The following ARID1B variants were observed in gnomAD, a reference collection of about 807,000 sequenced individuals.
ARID1B encodes the protein AT-rich interactive domain-containing protein 1B.
ARID1B carries 30 observed loss-of-function variants against 212.3 expected under a neutral mutation model. That is an observed-to-expected ratio of 0.14 (90% CI 0.11 to 0.19). The LOEUF is 0.19. Ranked by LOEUF, ARID1B falls within the 10% of genes least tolerant of loss-of-function variation. The probability of loss-of-function intolerance (pLI) is 1.00; values close to 1 mark genes in which losing one functional copy is unlikely to be tolerated. For synonymous variants in ARID1B, 1,402 were observed against 1,301.7 expected, an observed-to-expected ratio of 1.08 and a Z score of -1.66; for missense variants, 2,891 against 3,204.0, an observed-to-expected ratio of 0.90 and a Z score of 2.36.
At chr6:156,922,886 A>T (rs747944779) in intron 3 of ARID1B, among the ~76,000 whole-genome samples, 18 of 152,166 alleles carry the variant, frequency 1.2e-4, no homozygotes, top group Admixed American at 3.3e-4. Context: ...GGGTAGGAAG[A>T]ACTGATGTTG....
At chr6:157,028,984 G>A (rs1780848952) in intron 4 of ARID1B, among the ~76,000 whole-genome samples, 1 of 152,178 alleles carries the variant, frequency 6.6e-6, no homozygotes, top group Non-Finnish European at 1.5e-5. Flanking sequence ...TCTAACTGGA[G>A]TTATTTATTG....
chr6:157,123,579 C>G (rs1265032526), intron 6 of ARID1B, among the ~76,000 whole-genome samples: 2 of 152,230 alleles, frequency 1.3e-5, no homozygotes, highest in Non-Finnish European at 2.9e-5. Context: ...AGGAGGCTCA[C>G]AGGTGTGGCA....
intron 2 of ARID1B, among the ~76,000 whole-genome samples, chr6:156,836,924 A>G (rs144662091): frequency 2.0e-5 from 3 of 152,322 alleles, no homozygotes; most frequent in African/African-American, 4.8e-5. Context: ...CTTGGCCTCC[A>G]AAGTGCTAGG....
chr6:156,823,158 G>T (rs1782482298), intron 1 of ARID1B, among the ~76,000 whole-genome samples: 1 of 152,116 alleles, frequency 6.6e-6, no homozygotes, highest in African/African-American at 2.4e-5. Flanking sequence ...GTAGTCCGCT[G>T]TGTTGGTGTG....
chr6:157,175,163 A>G (rs1792014498), intron 11 of ARID1B, 158 bp downstream of exon 11: 2 of 605,924 alleles, frequency 3.3e-6, no homozygotes, highest in Admixed American at 4.6e-5. Flanking sequence ...ATAAATAATA[A>G]TATTAGTGAC....
Position 157,203,210 on chromosome 6 carries a change from C to T in ARID1B, c.5264-656C>T, listed in dbSNP as rs1468966173. Reference sequence around the variant, plus strand: ...AAATCTTCCAAACTTTCTACCTGATCATTTTGTTTCCTTCAGTAGCAGGAA... The same window carrying T: ...AAATCTTCCAAACTTTCTACCTGATTATTTTGTTTCCTTCAGTAGCAGGAA... On this transcript the variant is annotated intron_variant, in intron 18 of 19. Transcript: ENST00000636930. The surrounding 1 kb of genome is among the most constrained non-coding windows in gnomAD (Gnocchi z 4.4). Among the ~76,000 whole-genome samples, 1 of 152,206 alleles carries T rather than the reference C, an allele frequency of 6.6e-6. No homozygotes were observed. The highest frequency in any genetic ancestry group is 1.5e-5 in the Non-Finnish European group (1 of 68,028).
chr6:157,044,493 C>A (rs1193862281), intron 4 of ARID1B, among the ~76,000 whole-genome samples: 1 of 152,250 alleles, frequency 6.6e-6, no homozygotes, highest in East Asian at 1.9e-4. Flanking sequence ...AATGGCAACC[C>A]ATGTCTGAAT....
intron 1 of ARID1B, among the ~76,000 whole-genome samples, chr6:156,812,430 TC>T (rs549805225): frequency 0.015 from 2,308 of 152,296 alleles, 25 homozygotes; most frequent in Non-Finnish European, 0.025. Flanking sequence ...TCCCCTGAAC[TC>T]ATAGGACAGT....
intron 11 of ARID1B, among the ~76,000 whole-genome samples, chr6:157,179,788 C>T (rs1333468214): frequency 3.3e-5 from 5 of 152,186 alleles, no homozygotes; most frequent in Non-Finnish European, 5.9e-5. Context: ...CTCAGGCATC[C>T]TTTCTGAGGG....
Position 156,777,949 on chromosome 6 carries a change from C to A in ARID1B, c.269C>A (p.Ala90Asp). 1 of 1,529,004 alleles carries A rather than the reference C, an allele frequency of 6.5e-7. No individual in the cohort carries two copies. Among genetic ancestry groups the A allele is most frequent in the Non-Finnish European group, 8.7e-7 (1 of 1,144,396 alleles). The allele number at this position is 1,529,004 out of a possible 1,614,324, so 94.7% of individuals were successfully genotyped here. ...HELNMAHNAG[A>D]AAAAGTHSAK... is the part of the protein sequence containing the mutation. ...CTCAACATGGCCCATAACGCGGGCG[C>A]CGCGGCCGCCGCCGGCACCCACAGC... The change falls in exon 1 of 20, where the codon GCC (alanine) becomes GAC (aspartate). Residue 90 changes from alanine (A) to aspartate (D), a missense_variant. Coordinates refer to ENST00000636930, the MANE Select transcript of ARID1B (RefSeq NM_001374828.1).
At chr6:157,049,922 A>G (rs957928871) in intron 4 of ARID1B, among the ~76,000 whole-genome samples, 4 of 152,174 alleles carry the variant, frequency 2.6e-5, no homozygotes, top group African/African-American at 9.7e-5. Flanking sequence ...AGTCATCTTA[A>G]TGTGTTAACC....
At chr6:157,083,043 T>C (rs17088074) in intron 4 of ARID1B, among the ~76,000 whole-genome samples, 6,082 of 152,252 alleles carry the variant, frequency 0.04, 412 homozygotes, top group African/African-American at 0.14. Context: ...TTTGTGACGT[T>C]TCAGGAAACC....
chr6:157,160,497 T>A (rs1790857531), intron 8 of ARID1B, among the ~76,000 whole-genome samples: 2 of 152,226 alleles, frequency 1.3e-5, no homozygotes, highest in Non-Finnish European at 2.9e-5. Flanking sequence ...CAGGGCACCA[T>A]CATTTCTTCC....
At chr6:157,168,931 T>A (rs1275791467) in intron 9 of ARID1B, 1 of 152,242 alleles carries the variant, frequency 6.6e-6, no homozygotes, top group Non-Finnish European at 1.5e-5. Context: ...GATCTGATTT[T>A]ATCCCACCTT....
chr6:156,778,807 G>A lies in ARID1B; in HGVS notation c.1127G>A (p.Ser376Asn), dbSNP rs938985831. 5 of 1,494,910 alleles carry A rather than the reference G, an allele frequency of 3.3e-6. No individual in the cohort carries two copies. The highest frequency in any genetic ancestry group is 1.5e-5 in the African/African-American group (1 of 67,838). 92.6% of individuals were successfully genotyped at this position (1,494,910 alleles called of 1,614,324 possible). A position where few individuals can be genotyped will look rare whatever the true frequency, so the allele number is the denominator to read the frequency against. The stretch of plus-strand genomic sequence containing the variant: ...AACTCCCACGAAGGGTACCCCAACA[G>A]CCAGTGCAACCATTATCCGGGCTAC... ...LQNSHEGYPN[S>N]QCNHYPGYSR... Residue 376 changes from serine to asparagine, a missense_variant, in exon 1 of 20, where the codon AGC becomes AAC. Ser to Asn is a conservative substitution (Grantham distance 46). Around this residue, in one of 7 missense-constraint regions of ARID1B, gnomAD observed 1,643 missense variants for 1,544.0 expected, o/e 1.06. Coordinates refer to ENST00000636930, the MANE Select transcript of ARID1B (RefSeq NM_001374828.1).
chr6:156,843,742 G>A (rs939662946), intron 2 of ARID1B, among the ~76,000 whole-genome samples: 5 of 152,094 alleles, frequency 3.3e-5, no homozygotes, highest in African/African-American at 4.8e-5. Flanking sequence ...TGTTTTGGTC[G>A]AATAAATTGA....
rs115261623 is a variant in ARID1B, at chr6:156,970,923, A to G, written c.2247+35347A>G. On this transcript the variant is annotated intron_variant, in intron 4 of 19. Coordinates refer to ENST00000636930, the MANE Select transcript of ARID1B (RefSeq NM_001374828.1). ...CCCAGTGTGCTGTTTGCGTGAAAGT[A>G]TAGGTCTGATCTTCTTTGGGTCCTA... 0.011 allele frequency among the ~76,000 whole-genome samples: 1,662 copies of G among 152,332 alleles called. 26 individuals carry two copies. The highest frequency in any genetic ancestry group is 0.038 in the African/African-American group (1,565 of 41,572).
At chr6:157,149,110 CGAGGTCAGAGAACTAAG>C in intron 8 of ARID1B, 159 bp downstream of exon 8, 1 of 728,984 alleles carries the variant, frequency 1.4e-6, no homozygotes, top group Non-Finnish European at 2.2e-6. Context: ...TCTGTAGCAT[CGAGGTCAGAGAACTAAG>C]TGACAAACCA....
chr6:157,109,369 A>C (rs1223907228), intron 5 of ARID1B, among the ~76,000 whole-genome samples: 4 of 152,148 alleles, frequency 2.6e-5, no homozygotes. Flanking sequence ...GGTTAGCCTG[A>C]TCCAGCCGGG....
Sources: allele counts gnomAD v4.1 joint callset (sites outside exome capture counted in the v4.1 genomes callset), GRCh38; gene constraint gnomAD v4.1.1; regional missense constraint gnomAD v4.1.1; non-coding constraint Gnocchi (gnomAD v3.1); transcripts MANE v1.5; gene names NCBI Gene and HGNC (gene_info 2026-07-23, HGNC 2026-07-21).